RASGRP3: variants seen among roughly 807,000 people sequenced by gnomAD.
RASGRP3 encodes ras guanyl-releasing protein 3.
A neutral mutation model predicts 82.7 loss-of-function variants in RASGRP3; 54 were observed. The ratio of observed to expected loss-of-function variants is 0.65; its 90% CI spans 0.52 to 0.82. RASGRP3 has a LOEUF of 0.82. Ranked by LOEUF, RASGRP3 falls within the 40% of genes least tolerant of loss-of-function variation. RASGRP3 has a pLI of 0.00. For synonymous variants in RASGRP3, 309 were observed against 300.5 expected (o/e 1.03, Z -0.29); for missense variants, 861 against 828.9 (o/e 1.04, Z -0.48).
chr2:33,493,463 G>A (rs1170990472), intron 1 of RASGRP3, among the ~76,000 whole-genome samples: 1 of 152,204 alleles, frequency 6.6e-6, no homozygotes, highest in Non-Finnish European at 1.5e-5. Flanking sequence ...GAGTTAAAAA[G>A]AGAAGCCAAG....
At chr2:33,531,868 A>G (rs956214518) in intron 10 of RASGRP3, 8 of 150,910 alleles carry the variant, frequency 5.3e-5, no homozygotes, top group African/African-American at 1.5e-4. Context: ...TCTCATCTCC[A>G]GCAGATGCTG....
At chr2:33,454,309 T>A (rs1056326851) in intron 2 of RASGRP3, among the ~76,000 whole-genome samples, 3 of 152,238 alleles carry the variant, frequency 2.0e-5, no homozygotes, top group Non-Finnish European at 4.4e-5. Context: ...GACACATCAA[T>A]GCATCTATAC....
At chr2:33,472,383 G>A (rs1667108043), upstream of RASGRP3, among the ~76,000 whole-genome samples, 1 of 152,204 alleles carries the variant, frequency 6.6e-6, no homozygotes, top group Non-Finnish European at 1.5e-5. Context: ...GCCTACGATG[G>A]CCCGGAGGGG....
At chr2:33,449,122 C>A (rs1377671746) in intron 2 of RASGRP3, among the ~76,000 whole-genome samples, 2 of 152,202 alleles carry the variant, frequency 1.3e-5, no homozygotes, top group Non-Finnish European at 2.9e-5. Context: ...AAGCCAAGTG[C>A]TGTGCAAGTG....
chr2:33,454,379 A>T (rs1360622951), intron 2 of RASGRP3, among the ~76,000 whole-genome samples: 2 of 152,162 alleles, frequency 1.3e-5, no homozygotes, highest in African/African-American at 4.8e-5. Flanking sequence ...GGGAGGAGGG[A>T]TGGTTTTAAA....
rs573022728 is a variant in RASGRP3 at position 33,556,231 on chromosome 2, C to CTTTTTTTTTTTTTTTTTTTTTTTTTTTT, written c.1579+691_1579+692insTTTTTTTTTTTTTTTTTTTTTTTTTTTT. 7.0e-5 allele frequency among the ~76,000 whole-genome samples: 4 copies of CTTTTTTTTTTTTTTTTTTTTTTTTTTTT among 57,496 alleles called. 1 individual carries two copies. The highest frequency in any genetic ancestry group is 2.3e-4 in the Admixed American group (1 of 4,430). The allele number at this position is 57,496 out of a possible 152,430, so 37.7% of individuals were successfully genotyped here. A position where few individuals can be genotyped will look rare whatever the true frequency, so the allele number is the denominator to read the frequency against. On this transcript the variant is annotated intron_variant, in intron 15 of 17. Transcript: ENST00000403687. ...CAGTTTATATGGTTCTTCTAATAAT[C>CTTTTTTTTTTTTTTTTTTTTTTTTTTTT]TTTTTTTTTTTTTTTTTTTTTTTTT...
intron 10 of RASGRP3, among the ~76,000 whole-genome samples, chr2:33,531,421 G>A (rs17650408): frequency 0.059 from 9,037 of 152,238 alleles, 288 homozygotes; most frequent in South Asian, 0.1. Flanking sequence ...AAGTAGAATC[G>A]TGACTGGGAA....
chr2:33,463,685 G>T (rs1269474740), intron 2 of RASGRP3, among the ~76,000 whole-genome samples: 1 of 143,520 alleles, frequency 7.0e-6, no homozygotes, highest in Non-Finnish European at 1.5e-5. Flanking sequence ...TGCAACCTCT[G>T]CCTCCCAGGT....
intron 2 of RASGRP3, among the ~76,000 whole-genome samples, chr2:33,458,344 A>AT (rs931683233): frequency 4.8e-4 from 73 of 151,970 alleles, no homozygotes; most frequent in African/African-American, 5.8e-4. Flanking sequence ...ATAATTTATG[A>AT]TTTTTTTTCT....
chr2:33,513,939 G>A (rs1490283718), intron 2 of RASGRP3: 1 of 152,198 alleles, frequency 6.6e-6, no homozygotes, highest in African/African-American at 2.4e-5. Context: ...GCTTGTAGAA[G>A]TAATAAGAAG....
At chr2:33,451,043 G>C (rs1004702207) in intron 2 of RASGRP3, among the ~76,000 whole-genome samples, 1 of 150,940 alleles carries the variant, frequency 6.6e-6, no homozygotes, top group Non-Finnish European at 1.5e-5. Flanking sequence ...GGGCTTCACC[G>C]TATTAGCCAG....
intron 1 of RASGRP3, among the ~76,000 whole-genome samples, chr2:33,506,722 G>A (rs1439821515): frequency 2.0e-5 from 3 of 152,176 alleles, no homozygotes; most frequent in Non-Finnish European, 4.4e-5. Context: ...TTCTTTTAGA[G>A]TTGAAAATTA....
At chr2:33,554,260 T>C (rs891518609) in intron 14 of RASGRP3, among the ~76,000 whole-genome samples, 3 of 152,064 alleles carry the variant, frequency 2.0e-5, no homozygotes, top group Non-Finnish European at 4.4e-5. Context: ...ATTGTGAACA[T>C]TGTGAACGGC....
intron 2 of RASGRP3, among the ~76,000 whole-genome samples, chr2:33,449,448 T>C (rs1007302316): frequency 6.6e-6 from 1 of 152,134 alleles, no homozygotes; most frequent in African/African-American, 2.4e-5. Context: ...CAACAGAATA[T>C]TTCATGACAT....
intron 15 of RASGRP3, among the ~76,000 whole-genome samples, chr2:33,557,351 T>C (rs559183149): frequency 6.6e-6 from 1 of 152,288 alleles, no homozygotes; most frequent in East Asian, 1.9e-4. Flanking sequence ...CATCTTGTGT[T>C]CTGTTGGAAG....
At chr2:33,449,531 G>A (rs1265122467) in intron 2 of RASGRP3, among the ~76,000 whole-genome samples, 1 of 152,152 alleles carries the variant, frequency 6.6e-6, no homozygotes, top group Non-Finnish European at 1.5e-5. Flanking sequence ...GGAGGCCGAG[G>A]GGGGCAGACC....
At chr2:33,436,604 T>TA (rs1664936705) in intron 1 of RASGRP3, 1 of 152,204 alleles carries the variant, frequency 6.6e-6, no homozygotes, top group African/African-American at 2.4e-5. Flanking sequence ...AAGTGTCATT[T>TA]AAAAATCTGT....
chr2:33,480,931 G>A (rs72865973), intron 1 of RASGRP3, among the ~76,000 whole-genome samples: 85 of 152,134 alleles, frequency 5.6e-4, no homozygotes, highest in Admixed American at 3.1e-3. Flanking sequence ...TTGAGAAGTC[G>A]AACCCCTGCA....
At chr2:33,454,256 C>T (rs1665934345) in intron 2 of RASGRP3, among the ~76,000 whole-genome samples, 1 of 152,178 alleles carries the variant, frequency 6.6e-6, no homozygotes, top group Non-Finnish European at 1.5e-5. Context: ...AAAAGCCATA[C>T]ATAGTCCAGA....
Sources: gnomAD v4.1 joint callset for allele counts (sites outside exome capture counted in the v4.1 genomes callset) on GRCh38, gnomAD v4.1.1 for gene constraint, MANE v1.5 for transcripts, NCBI Gene and HGNC (gene_info 2026-07-23, HGNC 2026-07-21) for gene names.